CAVIN1: variants seen among roughly 807,000 people sequenced by gnomAD.
The protein encoded by CAVIN1 is caveolae associated protein 1.
Under a neutral mutation model 24.0 loss-of-function variants are expected in CAVIN1, and 16 were observed. The observed-to-expected ratio is 0.67, with a 90% CI of 0.45 to 1.01. The LOEUF is 1.01. CAVIN1 is among the 50% of genes least tolerant of loss of function. CAVIN1 has a pLI of 0.00. For synonymous variants in CAVIN1, 256 were observed against 256.4 expected (o/e 1.00, Z 0.02); for missense variants, 510 against 551.7 (o/e 0.92, Z 0.76).
At chr17:42,410,099 A>G (rs1226759767) in intron 1 of CAVIN1, among the ~76,000 whole-genome samples, 1 of 152,156 alleles carries the variant, frequency 6.6e-6, no homozygotes, top group African/African-American at 2.4e-5. Context: ...TAAGATTATA[A>G]TGTCATTGAG....
intron 1 of CAVIN1, among the ~76,000 whole-genome samples, chr17:42,418,841 A>T (rs2085528279): frequency 6.6e-6 from 1 of 152,172 alleles, no homozygotes; most frequent in South Asian, 2.1e-4. Context: ...TACTCCAAAA[A>T]TATGTACAAC....
intron 1 of CAVIN1, among the ~76,000 whole-genome samples, chr17:42,417,148 G>A (rs959529223): frequency 3.3e-5 from 5 of 152,104 alleles, no homozygotes; most frequent in African/African-American, 1.2e-4. Flanking sequence ...ATACACAACC[G>A]TGGTCCCATA....
intron 1 of CAVIN1, among the ~76,000 whole-genome samples, chr17:42,416,079 A>T (rs1480730410): frequency 6.6e-6 from 1 of 152,264 alleles, no homozygotes; most frequent in East Asian, 1.9e-4. Context: ...TCTAGAAAAA[A>T]CATTTAGGCT....
At chr17:42,405,439 G>A (rs754554887) in intron 1 of CAVIN1, 51 bp from the exon 2 acceptor site, 2 of 1,582,190 alleles carry the variant, frequency 1.3e-6, no homozygotes, top group Non-Finnish European at 1.7e-6. Context: ...GGCGGATGTG[G>A]GCGAGCCTGA....
In CAVIN1 at chr17:42,423,215, A is replaced by C; in HGVS notation, c.-118T>G. 1.2e-6 allele frequency: 1 copy of C among 825,854 alleles called. No homozygotes were observed. 51.2% of individuals were successfully genotyped at this position (825,854 alleles called of 1,614,324 possible). ...CGGGCGAGAGCGGAGAGCAGAGGAA[A>C]CTCGAGCCACGTCCGTGCGCACCGG... On this transcript the variant is annotated 5_prime_UTR_variant, in exon 1 of 2. Transcript: ENST00000357037.
At chr17:42,411,291 A>G (rs2145478275) in intron 1 of CAVIN1, 1 of 266,218 alleles carries the variant, frequency 3.8e-6, no homozygotes, top group East Asian at 1.8e-4. Flanking sequence ...GGTGGCTCAC[A>G]TCTGTAATCC....
chr17:42,404,873 G>C lies in CAVIN1; in HGVS notation c.987C>G (p.Arg329=). ...CCTTGAGCACTTCCACCTGGCCCTC[G>C]CGGATCTTCTTGACGTGGAAGGTGA... ...PPFTFHVKKI[R]EGQVEVLKAT... Residue 329 remains arginine (R), a synonymous_variant, in exon 2 of 2, where the codon CGC becomes CGG. Transcript: ENST00000357037. 1.2e-6 allele frequency: 2 copies of C among 1,613,894 alleles called. No homozygotes were observed. The highest frequency in any genetic ancestry group is 1.7e-6 in the Non-Finnish European group (2 of 1,179,904).
Position 42,422,940 on chromosome 17 carries a change from A to T in CAVIN1, c.158T>A (p.Leu53Gln). The part of the protein sequence containing the change: ...LIKSDQVNGV[L>Q]VLSLLDKIIG... ...GATTTTGTCCAGGAGGCTCAGCACC[A>T]GCACGCCGTTCACCTGGTCCGACTT... The change falls in exon 1 of 2, where the codon CTG becomes CAG. Residue 53 changes from leucine to glutamine, a missense_variant. Coordinates refer to ENST00000357037, the MANE Select transcript of CAVIN1 (RefSeq NM_012232.6). 1 of 1,614,030 alleles carries T rather than the reference A, an allele frequency of 6.2e-7. No homozygotes were observed.
At chr17:42,409,948 T>C (rs757058834) in intron 1 of CAVIN1, among the ~76,000 whole-genome samples, 1 of 152,068 alleles carries the variant, frequency 6.6e-6, no homozygotes, top group Non-Finnish European at 1.5e-5. Flanking sequence ...AGCATTACAG[T>C]TCCCCCTGCC....
chr17:42,411,780 C>T (rs1188921702), intron 1 of CAVIN1: 1 of 985,292 alleles, frequency 1.0e-6, no homozygotes, highest in Non-Finnish European at 1.2e-6. Flanking sequence ...CCTTCGGGTG[C>T]AGCTTAAGTG....
chr17:42,407,866 A>C (rs1167916560), intron 1 of CAVIN1, among the ~76,000 whole-genome samples: 1 of 152,002 alleles, frequency 6.6e-6, no homozygotes, highest in African/African-American at 2.4e-5. Context: ...TTCTCTTTGC[A>C]TTCCCTCTGA....
intron 1 of CAVIN1, among the ~76,000 whole-genome samples, chr17:42,413,903 T>C (rs1352870846): frequency 2.0e-5 from 3 of 152,118 alleles, no homozygotes; most frequent in African/African-American, 7.2e-5. Flanking sequence ...TTTGTGGTTG[T>C]TGTTTTTTTT....
chr17:42,404,685 G>C lies in CAVIN1; in HGVS notation c.*2C>G, dbSNP rs751888942. ...AATGGGGTGGGTGGCAGCGGGGGCG[G>C]CTCAGTCGCTGTCGCTCTTGTCCAC... On this transcript the variant is annotated 3_prime_UTR_variant, in exon 2 of 2. Coordinates refer to ENST00000357037, the MANE Select transcript of CAVIN1 (RefSeq NM_012232.6). 2 of 1,448,754 alleles carry C rather than the reference G, an allele frequency of 1.4e-6. No homozygotes were observed. The highest frequency in any genetic ancestry group is 1.4e-5 in the South Asian group (1 of 70,382). The allele number at this position is 1,448,754 out of a possible 1,614,324, so 89.7% of individuals were successfully genotyped here. A position where few individuals can be genotyped will look rare whatever the true frequency, so the allele number is the denominator to read the frequency against.
Position 42,404,925 on chromosome 17 carries a change from T to C in CAVIN1, c.935A>G (p.Lys312Arg). Residue 312 changes from lysine to arginine, a missense_variant, in exon 2 of 2, where the codon AAG (lysine) becomes AGG (arginine). By Grantham distance (26) the Lys-to-Arg change is conservative. Coordinates refer to ENST00000357037, the MANE Select transcript of CAVIN1 (RefSeq NM_012232.6). Reference sequence around the variant, plus strand: ...GGGTGGCACCTTGTAGACCGCGGTCTTGGAGCGCGCGTACACCACGTGGTC... The same window carrying C: ...GGGTGGCACCTTGTAGACCGCGGTCCTGGAGCGCGCGTACACCACGTGGTC... Reference protein sequence around the residue: ...TPDHVVYARSKTAVYKVPPFT... With the variant: ...TPDHVVYARSRTAVYKVPPFT... 1 of 1,614,068 alleles carries C rather than the reference T, an allele frequency of 6.2e-7. No homozygotes were observed. Among genetic ancestry groups the C allele is most frequent in the Non-Finnish European group, 8.5e-7 (1 of 1,179,960 alleles).
chr17:42,419,053 CGGGCACGGTGGT>C (rs2085529455), intron 1 of CAVIN1, among the ~76,000 whole-genome samples: 1 of 151,850 alleles, frequency 6.6e-6, no homozygotes, highest in African/African-American at 2.4e-5. Context: ...AACAATTTGC[CGGGCACGGTGGT>C]GGGCACCTGT....
rs1437599375 is a variant in CAVIN1, at chr17:42,404,785, C to T, written c.1075G>A (p.Gly359Ser). The change falls in exon 2 of 2, where the codon GGC becomes AGC. Residue 359 changes from glycine (G) to serine (S), a missense_variant. Physicochemically the swap from Gly to Ser is moderately conservative, Grantham distance 56 (BLOSUM62 0). Coordinates refer to ENST00000357037, the MANE Select transcript of CAVIN1 (RefSeq NM_012232.6). ...GGGCTGCTCCCGCGCCGCAGGTCGC[C>T]GGCCTCCCCGCGCTCCGCGCCGCCC... ...DEGGAERGEA[G>S]DLRRGSSPDV... The T allele has an allele frequency of 2.5e-6, 4 of 1,590,486 alleles. No homozygotes were observed. Among genetic ancestry groups the T allele is most frequent in the South Asian group, 2.2e-5 (2 of 89,026 alleles).
In CAVIN1 at chr17:42,405,372, G is replaced by A. The variant is rs561439489; in HGVS notation, c.488C>T (p.Pro163Leu). ...CGATTTGCTGATGCTCAGTTTGGCC[G>A]GCAGCTTCACTTCATCCTAAGGGAA... is the stretch of plus-strand genomic sequence containing the variant. ...VMIYQDEVKL[P>L]AKLSISKSLK... The change falls in exon 2 of 2, where the codon CCG becomes CTG. Residue 163 changes from proline (P) to leucine (L), a missense_variant. By Grantham distance (98) the Pro-to-Leu change is moderately conservative. Transcript: ENST00000357037. 6.2e-7 allele frequency: 1 copy of A among 1,605,564 alleles called. No homozygotes were observed. Among genetic ancestry groups the A allele is most frequent in the Non-Finnish European group, 8.5e-7 (1 of 1,179,940 alleles).
At chr17:42,406,594 C>G (rs992758397) in intron 1 of CAVIN1, among the ~76,000 whole-genome samples, 1 of 152,030 alleles carries the variant, frequency 6.6e-6, no homozygotes, top group Non-Finnish European at 1.5e-5. Flanking sequence ...TCAGATTGGT[C>G]TCGAACCCCT....
intron 1 of CAVIN1, 39 bp downstream of exon 1, chr17:42,422,588 G>C: frequency 6.7e-7 from 1 of 1,495,230 alleles, no homozygotes; most frequent in Non-Finnish European, 9.1e-7. Context: ...CGCGGGCCGG[G>C]CGCGGGAGCT....
Sources: gnomAD v4.1 joint callset for allele counts (sites outside exome capture counted in the v4.1 genomes callset) on GRCh38, gnomAD v4.1.1 for gene constraint, MANE v1.5 for transcripts, NCBI Gene and HGNC (gene_info 2026-07-23, HGNC 2026-07-21) for gene names.